ZNF385D: variants seen among roughly 807,000 people sequenced by gnomAD.
ZNF385D encodes zinc finger protein 659.
Under a neutral mutation model 35.8 loss-of-function variants are expected in ZNF385D, and 15 were observed. That is an observed-to-expected ratio of 0.42 (90% CI 0.28 to 0.64). The LOEUF (loss-of-function observed/expected upper bound fraction) is 0.64, where lower values mean the gene tolerates loss of function less well. Ranked by LOEUF, ZNF385D falls within the 30% of genes least tolerant of loss-of-function variation. ZNF385D has a pLI of 0.23. For missense variants in ZNF385D, 474 were observed against 494.6 expected (o/e 0.96, Z 0.39); for synonymous variants, 212 against 186.8 (o/e 1.13, Z -1.10).
In ZNF385D at chr3:21,931,121, AT is replaced by A. The variant is rs1162844260; in HGVS notation, c.325+237695del. On this transcript the variant is annotated intron_variant, in intron 3 of 5. Transcript: ENST00000494108. ...TTTCAATCCAATAATAAAAAGACAAATAAAATTAAACATGGAGAAAGGATCT... is the reference window on the plus strand; with the variant it reads ...TTTCAATCCAATAATAAAAAGACAAAAAAATTAAACATGGAGAAAGGATCT... 6.6e-5 allele frequency among the ~76,000 whole-genome samples: 10 copies of A among 152,296 alleles called. 1 individual carries two copies. The East Asian group carries it at 1.9e-3, about 29-fold the overall frequency.
At chr3:21,794,522 C>A (rs1163894252) in intron 3 of ZNF385D, among the ~76,000 whole-genome samples, 1 of 152,052 alleles carries the variant, frequency 6.6e-6, no homozygotes, top group African/African-American at 2.4e-5. Flanking sequence ...AGAATGGATG[C>A]CCAAGATCCA....
chr3:22,040,813 T>C (rs146912226), intron 3 of ZNF385D, among the ~76,000 whole-genome samples: 2 of 151,926 alleles, frequency 1.3e-5, no homozygotes, highest in Non-Finnish European at 2.9e-5. Context: ...AAAAATAGAG[T>C]AAATGGAATG....
intron 2 of ZNF385D, among the ~76,000 whole-genome samples, chr3:21,658,129 A>C (rs1385960171): frequency 6.6e-6 from 1 of 152,180 alleles, no homozygotes; most frequent in African/African-American, 2.4e-5. Flanking sequence ...TATGTTAAGC[A>C]TACTTAATGC....
At chr3:21,647,346 C>G (rs960228644) in intron 2 of ZNF385D, among the ~76,000 whole-genome samples, 32 of 151,164 alleles carry the variant, frequency 2.1e-4, no homozygotes, top group African/African-American at 6.6e-4. Flanking sequence ...TTCTTCATTC[C>G]TTCCTCCCTC....
chr3:21,545,232 A>G (rs964453908), intron 3 of ZNF385D, among the ~76,000 whole-genome samples: 3 of 152,214 alleles, frequency 2.0e-5, no homozygotes, highest in African/African-American at 7.2e-5. Flanking sequence ...AAAATGAGCT[A>G]TAGAACTTTA....
At chr3:22,210,403 T>A (rs1697444199) in intron 2 of ZNF385D, among the ~76,000 whole-genome samples, 2 of 151,864 alleles carry the variant, frequency 1.3e-5, no homozygotes, top group South Asian at 4.1e-4. Context: ...ATTAGGCAAG[T>A]ATAATTTTAT....
intron 2 of ZNF385D, among the ~76,000 whole-genome samples, chr3:22,266,683 A>G (rs1378786335): frequency 1.3e-5 from 2 of 151,952 alleles, no homozygotes; most frequent in Admixed American, 1.3e-4. Flanking sequence ...GTACAAAGGT[A>G]TTCTTTTCAC....
chr3:22,124,866 T>C (rs1340014682), intron 3 of ZNF385D, among the ~76,000 whole-genome samples: 1 of 152,144 alleles, frequency 6.6e-6, no homozygotes, highest in East Asian at 1.9e-4. Context: ...ATACTGTGCG[T>C]TGTTTCTTCA....
intron 2 of ZNF385D, among the ~76,000 whole-genome samples, chr3:21,613,805 C>T (rs11129012): frequency 0.2 from 29,865 of 152,114 alleles, 3,362 homozygotes; most frequent in South Asian, 0.27. Flanking sequence ...AGCTCAATTC[C>T]ATGCACATCA....
chr3:21,860,590 G>T (rs774216064), intron 3 of ZNF385D, among the ~76,000 whole-genome samples: 1 of 152,128 alleles, frequency 6.6e-6, no homozygotes, highest in South Asian at 2.1e-4. Flanking sequence ...AGTGCTCCTG[G>T]GACAGGAAAC....
chr3:21,467,369 G>A (rs1703584752), intron 4 of ZNF385D, among the ~76,000 whole-genome samples: 1 of 152,156 alleles, frequency 6.6e-6, no homozygotes, highest in Non-Finnish European at 1.5e-5. Context: ...GATTCTAAGT[G>A]CCCGTAAGTT....
chr3:21,674,357 G>A (rs2066659992), intron 1 of ZNF385D, among the ~76,000 whole-genome samples: 1 of 152,028 alleles, frequency 6.6e-6, no homozygotes, highest in African/African-American at 2.4e-5. Context: ...CACTTTGACT[G>A]GGAAGGAAAA....
chr3:21,645,250 A>T (rs1185060921), intron 2 of ZNF385D, among the ~76,000 whole-genome samples: 3 of 152,192 alleles, frequency 2.0e-5, no homozygotes, highest in Non-Finnish European at 2.9e-5. Context: ...ATCAAATTGC[A>T]GCCAAGGTTG....
chr3:21,887,748 C>T (rs1698622227), intron 3 of ZNF385D, among the ~76,000 whole-genome samples: 1 of 152,016 alleles, frequency 6.6e-6, no homozygotes, highest in Non-Finnish European at 1.5e-5. Context: ...ACCCTAGGCT[C>T]TAGGGAGTCT....
intron 3 of ZNF385D, among the ~76,000 whole-genome samples, chr3:21,962,724 A>G (rs1255190644): frequency 6.6e-6 from 1 of 152,148 alleles, no homozygotes; most frequent in Admixed American, 6.6e-5. Context: ...TTGGAACCAG[A>G]TGATTTTCTT....
intron 2 of ZNF385D, among the ~76,000 whole-genome samples, chr3:21,647,868 T>C (rs1310429061): frequency 6.6e-6 from 1 of 152,338 alleles, no homozygotes; most frequent in Non-Finnish European, 1.5e-5. Context: ...CATTGATCTT[T>C]TTTTCATATG....
In ZNF385D at chr3:21,515,392, A is replaced by G. The variant is rs924286517; in HGVS notation, c.277-4369T>C. Among the ~76,000 whole-genome samples, 5 of 152,344 alleles carry G rather than the reference A, an allele frequency of 3.3e-5. No individual in the cohort carries two copies. The East Asian group carries it at 9.6e-4, about 29-fold the overall frequency. ...TTATTATAAGCATATATATCCAATA[A>G]CCATAACCAATTAATTTTCATGAAC... is the stretch of plus-strand genomic sequence containing the variant. On this transcript the variant is annotated intron_variant, in intron 3 of 7. Coordinates refer to ENST00000281523, the MANE Select transcript of ZNF385D (RefSeq NM_024697.3).
chr3:22,019,630 C>G (rs1697107264), intron 3 of ZNF385D, among the ~76,000 whole-genome samples: 1 of 151,844 alleles, frequency 6.6e-6, no homozygotes, highest in Non-Finnish European at 1.5e-5. Flanking sequence ...TCAAAGATTT[C>G]TTAGGTGTCT....
At chr3:21,997,866 C>CGTGTGTGTGTGTGTGTGT (rs1162271257) in intron 3 of ZNF385D, among the ~76,000 whole-genome samples, 1 of 97,808 alleles carries the variant, frequency 1.0e-5, no homozygotes, top group South Asian at 3.8e-4. Context: ...GGCGCGCGCG[C>CGTGTGTGTGTGTGTGTGT]GCGCGCGTGT....
Sources: allele counts gnomAD v4.1 joint callset (sites outside exome capture counted in the v4.1 genomes callset), GRCh38; gene constraint gnomAD v4.1.1; transcripts MANE v1.5; gene names NCBI Gene and HGNC (gene_info 2026-07-23, HGNC 2026-07-21).